PIBF1: variants seen among roughly 807,000 people sequenced by gnomAD.
The protein encoded by PIBF1 is progesterone-induced-blocking factor 1.
In PIBF1, 90 loss-of-function variants were observed where a neutral mutation model predicts 112.5. The observed-to-expected ratio is 0.80, with a 90% CI of 0.67 to 0.95. The LOEUF is 0.95. Ranked by LOEUF, PIBF1 falls within the 40% of genes least tolerant of loss-of-function variation. PIBF1 has a pLI of 0.00. For synonymous variants in PIBF1, 301 were observed against 288.6 expected, an observed-to-expected ratio of 1.04 and a Z score of -0.44; for missense variants, 915 against 852.3, an observed-to-expected ratio of 1.07 and a Z score of -0.92.
intron 2 of PIBF1, among the ~76,000 whole-genome samples, chr13:72,785,819 C>T (rs1328377367): frequency 1.3e-5 from 2 of 152,330 alleles, no homozygotes; most frequent in Admixed American, 6.5e-5. Flanking sequence ...CATATCCAGA[C>T]TTACATTTTG....
intron 9 of PIBF1, among the ~76,000 whole-genome samples, chr13:72,843,121 G>A (rs972187659): frequency 5.9e-5 from 9 of 152,232 alleles, no homozygotes; most frequent in African/African-American, 1.4e-4. Context: ...AATTTCCAGA[G>A]GTTTTATAGT....
At chr13:72,935,512 C>G (rs1329524959) in intron 14 of PIBF1, among the ~76,000 whole-genome samples, 1 of 152,130 alleles carries the variant, frequency 6.6e-6, no homozygotes, top group Non-Finnish European at 1.5e-5. Flanking sequence ...CATTCACATA[C>G]AAGTCTTTGT....
intron 17 of PIBF1, among the ~76,000 whole-genome samples, chr13:73,014,749 G>A (rs1425692887): frequency 9.6e-6 from 1 of 103,758 alleles, no homozygotes; most frequent in African/African-American, 3.8e-5. Flanking sequence ...TGAGTGTAGT[G>A]GCATGATCAC....
At chr13:72,826,200 A>T (rs932588611) in intron 6 of PIBF1, among the ~76,000 whole-genome samples, 1 of 152,158 alleles carries the variant, frequency 6.6e-6, no homozygotes, top group Non-Finnish European at 1.5e-5. Flanking sequence ...AGTAATACTG[A>T]TAGTCATCTT....
intron 10 of PIBF1, among the ~76,000 whole-genome samples, chr13:72,877,885 G>A (rs2039473181): frequency 6.6e-6 from 1 of 151,886 alleles, no homozygotes; most frequent in South Asian, 2.1e-4. Flanking sequence ...GAGTAGCTGG[G>A]ATTACAGGCA....
chr13:72,844,064 C>T (rs2037727939), intron 9 of PIBF1, among the ~76,000 whole-genome samples: 1 of 152,164 alleles, frequency 6.6e-6, no homozygotes, highest in African/African-American at 2.4e-5. Flanking sequence ...TATTATGCGT[C>T]AAGCATTGTA....
At chr13:72,917,713 G>A (rs2041150806) in intron 13 of PIBF1, among the ~76,000 whole-genome samples, 2 of 152,192 alleles carry the variant, frequency 1.3e-5, no homozygotes, top group South Asian at 2.1e-4. Flanking sequence ...TCAACCAACC[G>A]CTTATCAAAA....
At chr13:72,796,667 A>G (rs1288017136) in intron 4 of PIBF1, among the ~76,000 whole-genome samples, 2 of 148,100 alleles carry the variant, frequency 1.4e-5, no homozygotes, top group African/African-American at 4.9e-5. Context: ...TTTTTTTTTA[A>G]AAGGCTCAAA....
At chr13:72,963,372 T>G (rs2042656155) in intron 14 of PIBF1, among the ~76,000 whole-genome samples, 1 of 152,278 alleles carries the variant, frequency 6.6e-6, no homozygotes, top group Admixed American at 6.5e-5. Context: ...GGCAGGCAGA[T>G]CACTTGAAGT....
intron 10 of PIBF1, among the ~76,000 whole-genome samples, 188 bp from the exon 11 acceptor site, chr13:72,893,596 T>C (rs913650749): frequency 2.0e-4 from 30 of 152,146 alleles, no homozygotes; most frequent in African/African-American, 6.8e-4. Flanking sequence ...TTAATTGATA[T>C]GTTCACTGTA....
chr13:72,927,966 T>TATATACATATATATATACACAC (rs1555316890), intron 13 of PIBF1, among the ~76,000 whole-genome samples: 2 of 99,426 alleles, frequency 2.0e-5, no homozygotes, highest in African/African-American at 1.3e-4. Context: ...TATACACATA[T>TATATACATATATATATACACAC]ATATATATAT....
intron 9 of PIBF1, among the ~76,000 whole-genome samples, chr13:72,840,582 G>A (rs1179384443): frequency 6.9e-6 from 1 of 145,906 alleles, no homozygotes; most frequent in African/African-American, 2.6e-5. Flanking sequence ...GGAGTGCAGT[G>A]GCGTGATCTC....
intron 15 of PIBF1, 94 bp from the exon 16 acceptor site, chr13:72,973,497 A>G (rs2138942805): frequency 7.9e-6 from 5 of 636,596 alleles, no homozygotes; most frequent in African/African-American, 3.9e-5. Flanking sequence ...AGTTCAAACC[A>G]TCAGATTCAT....
intron 6 of PIBF1, among the ~76,000 whole-genome samples, chr13:72,825,732 A>G (rs1267857127): frequency 6.6e-6 from 1 of 152,176 alleles, no homozygotes. Flanking sequence ...AATATTACAA[A>G]ACAAATACAA....
intron 2 of PIBF1, among the ~76,000 whole-genome samples, chr13:72,790,510 C>G (rs1049422068): frequency 4.3e-5 from 6 of 140,044 alleles, no homozygotes; most frequent in South Asian, 2.4e-4. Context: ...CACACACACA[C>G]ATAGATAGAT....
At chr13:72,892,771 A>G (rs190735643) in intron 10 of PIBF1, among the ~76,000 whole-genome samples, 1 of 117,968 alleles carries the variant, frequency 8.5e-6, no homozygotes, top group African/African-American at 3.0e-5. Flanking sequence ...CCCACCCCTT[A>G]CCTCCTCCTG....
At chr13:72,883,452 T>C (rs1397559546) in intron 10 of PIBF1, among the ~76,000 whole-genome samples, 1 of 152,154 alleles carries the variant, frequency 6.6e-6, no homozygotes, top group African/African-American at 2.4e-5. Context: ...AATTTAATTG[T>C]ACATTTTTTT....
chr13:72,853,954 A>G lies in PIBF1; in HGVS notation c.1224-103A>G, dbSNP rs146634064. On this transcript the variant is annotated intron_variant, in intron 9 of 17. Transcript: ENST00000326291. ...ATATAGTGTACACTTTGGGTCCCCA[A>G]CTTCTCAGATGGGTCCTTAAGATTG... 22,536 of 881,392 alleles carry G rather than the reference A, an allele frequency of 0.026. 472 individuals carry two copies. Among genetic ancestry groups the G allele is most frequent in the South Asian group, 0.072 (4,763 of 65,704 alleles). 54.6% of individuals were successfully genotyped at this position (881,392 alleles called of 1,614,324 possible).
chr13:72,858,089 T>A (rs927886885), intron 10 of PIBF1, among the ~76,000 whole-genome samples: 14 of 151,820 alleles, frequency 9.2e-5, no homozygotes, highest in Admixed American at 2.6e-4. Context: ...TCTCACTCTG[T>A]TGCCCAGTCT....
Sources: gnomAD v4.1 joint callset for allele counts (sites outside exome capture counted in the v4.1 genomes callset) on GRCh38, gnomAD v4.1.1 for gene constraint, MANE v1.5 for transcripts, NCBI Gene and HGNC (gene_info 2026-07-23, HGNC 2026-07-21) for gene names.